JPH3: variants seen among roughly 807,000 people sequenced by gnomAD.
JPH3 encodes junctophilin-3.
JPH3 carries 11 observed loss-of-function variants against 59.6 expected under a neutral mutation model. The observed-to-expected ratio is 0.18, with a 90% CI of 0.12 to 0.31. The LOEUF is 0.31. Among genes scored for constraint, JPH3 ranks in the 10% least tolerant of loss-of-function variants. The pLI is 1.00. For missense variants in JPH3, 1,202 were observed against 1,105.7 expected, an observed-to-expected ratio of 1.09 and a Z score of -1.24; for synonymous variants, 673 against 483.6, an observed-to-expected ratio of 1.39 and a Z score of -5.14.
chr16:87,604,352 A>G lies in JPH3; in HGVS notation c.382+824A>G, dbSNP rs115916470. The G allele has an allele frequency of 1.9e-3, 2,731 of 1,444,402 alleles. 60 individuals are homozygous for G. In the African/African-American group the frequency reaches 0.035, roughly 19 times the overall value. 89.5% of individuals were successfully genotyped at this position (1,444,402 alleles called of 1,614,324 possible). On this transcript the variant is annotated intron_variant, in intron 1 of 4. Transcript: ENST00000284262. ...CTGTAAGATGGTTTCTGTGCAGGGA[A>G]CCTTGGCCGGCTCTGCAGCTGCCCG...
At position 87,644,918 on chromosome 16, in the gene JPH3, G is replaced by A. The variant is rs372821727; in HGVS notation, c.1043G>A (p.Arg348His). 390 of 1,612,772 alleles carry A rather than the reference G, an allele frequency of 2.4e-4. No individual in the cohort carries two copies. The highest frequency in any genetic ancestry group is 3.1e-4 in the Non-Finnish European group (364 of 1,179,924). The change falls in exon 2 of 5, where the codon CGC becomes CAC. Residue 348 changes from arginine to histidine, a missense_variant. Coordinates refer to ENST00000284262, the MANE Select transcript of JPH3 (RefSeq NM_020655.4). Reference sequence around the variant, plus strand: ...CAGAACATCCTCGTCGGCGGCAAGCGCAAGAACCTCATCCCCCTGCGGGCC... The same window carrying A: ...CAGAACATCCTCGTCGGCGGCAAGCACAAGAACCTCATCCCCCTGCGGGCC... ...YKQNILVGGKRKNLIPLRASK... is the reference protein window; with the variant it reads ...YKQNILVGGKHKNLIPLRASK...
At position 87,647,584 on chromosome 16, in the gene JPH3, C is replaced by T. The variant is rs374590865; in HGVS notation, c.1160+2549C>T. On this transcript the variant is annotated intron_variant, in intron 2 of 4. Coordinates refer to ENST00000284262, the MANE Select transcript of JPH3 (RefSeq NM_020655.4). ...CGTCCCTTCGCCCGAGCGGGCGTCG[C>T]GGGGAGGGAGGTGGTTCCTGCTTCC... Among the ~76,000 whole-genome samples, 12 of 152,274 alleles carry T rather than the reference C, an allele frequency of 7.9e-5. No homozygotes were observed. In the South Asian group the frequency reaches 8.3e-4, roughly 11 times the overall value.
intron 1 of JPH3, among the ~76,000 whole-genome samples, chr16:87,633,511 T>A (rs1351853448): frequency 6.6e-6 from 1 of 151,488 alleles, no homozygotes; most frequent in Non-Finnish European, 1.5e-5. Context: ...ATATATATAT[T>A]AAATGATGGG....
At chr16:87,637,971 C>T (rs2031813230) in intron 1 of JPH3, among the ~76,000 whole-genome samples, 1 of 152,050 alleles carries the variant, frequency 6.6e-6, no homozygotes, top group South Asian at 2.1e-4. Flanking sequence ...GACTGGAGTG[C>T]AGTGGCACAA....
rs371938619 is a variant in JPH3 at position 87,687,836 on chromosome 16, G to A, written c.1286-1810G>A. 1.7e-3 allele frequency among the ~76,000 whole-genome samples: 265 copies of A among 152,296 alleles called. 1 individual carries two copies. The highest frequency in any genetic ancestry group is 6.6e-3 in the East Asian group (34 of 5,178). On this transcript the variant is annotated intron_variant, in intron 3 of 4. Transcript: ENST00000284262. ...GGTGGACGACCTGGTGGGAAAGGCC[G>A]GGGCGCCATCGGGGGATGGGGGGGG... is the stretch of plus-strand genomic sequence containing the variant.
At chr16:87,632,473 G>T (rs977926106) in intron 1 of JPH3, among the ~76,000 whole-genome samples, 11 of 152,216 alleles carry the variant, frequency 7.2e-5, no homozygotes, top group African/African-American at 2.7e-4. Flanking sequence ...AAGAGATGGA[G>T]TCTTGCTCTG....
In JPH3 at chr16:87,623,594, A is replaced by G. The variant is rs146019423; in HGVS notation, c.382+20066A>G. On this transcript the variant is annotated intron_variant, in intron 1 of 4. Coordinates refer to ENST00000284262, the MANE Select transcript of JPH3 (RefSeq NM_020655.4). ...TTCATTCCCCAACAAAACAACCTCT[A>G]TTTCCTTCTGTGAACCCCTTGGGAG... Among the ~76,000 whole-genome samples the G allele has an allele frequency of 2.8e-3, 426 of 152,192 alleles. 6 individuals are homozygous for G. The highest frequency in any genetic ancestry group is 9.2e-3 in the African/African-American group (383 of 41,528).
At chr16:87,692,220 TCTCCCTCC>T (rs1224637720) in intron 4 of JPH3, among the ~76,000 whole-genome samples, 2 of 146,240 alleles carry the variant, frequency 1.4e-5, no homozygotes, top group Non-Finnish European at 3.1e-5. Flanking sequence ...TCCCTCCCCG[TCTCCCTCC>T]CCACAGCTTT....
chr16:87,675,477 CTGTG>C (rs1052720545), intron 2 of JPH3, among the ~76,000 whole-genome samples: 3 of 152,184 alleles, frequency 2.0e-5, no homozygotes, highest in Admixed American at 2.0e-4. Context: ...TGTGCCCTGT[CTGTG>C]TGTACCAGGT....
chr16:87,689,634 G>A lies in JPH3; in HGVS notation c.1286-12G>A. The A allele has an allele frequency of 1.2e-6, 2 of 1,610,526 alleles. No individual in the cohort carries two copies. Among genetic ancestry groups the A allele is most frequent in the South Asian group, 1.1e-5 (1 of 90,606 alleles). On this transcript the variant is annotated splice_polypyrimidine_tract_variant and intron_variant, in intron 3 of 4. Transcript: ENST00000284262. ...GTAACGCCGTCTGGCGTCGTCTTGT[G>A]TCCCCATACAGGGCTGGAGTACCAG...
In JPH3 at chr16:87,609,144, G is replaced by C. The variant is rs139727642; in HGVS notation, c.382+5616G>C. Among the ~76,000 whole-genome samples the C allele has an allele frequency of 9.1e-4, 139 of 152,374 alleles. 1 individual carries two copies. The highest frequency in any genetic ancestry group is 6.8e-3 in the Middle Eastern group (2 of 294). On this transcript the variant is annotated intron_variant, in intron 1 of 4. Transcript: ENST00000284262. Reference sequence around the variant, plus strand: ...CTGCCTATGTTTTCACCCCTACCCTGTCAGTCCTTCCTGAAGAAGTGAGTG... The same window carrying C: ...CTGCCTATGTTTTCACCCCTACCCTCTCAGTCCTTCCTGAAGAAGTGAGTG...
chr16:87,639,332 C>G (rs892097217), intron 1 of JPH3, among the ~76,000 whole-genome samples: 5 of 152,240 alleles, frequency 3.3e-5, no homozygotes, highest in Admixed American at 3.3e-4. Context: ...GCCTCCTAGC[C>G]CCTTCCTGAC....
intron 4 of JPH3, among the ~76,000 whole-genome samples, chr16:87,692,576 G>T (rs1335271215): frequency 1.8e-5 from 2 of 113,076 alleles, no homozygotes; most frequent in Non-Finnish European, 3.7e-5. Flanking sequence ...GATGGGCCTG[G>T]GATTCTAGCC....
rs770562628 is a variant in JPH3 at position 87,690,360 on chromosome 16, C to A, written c.2000C>A (p.Pro667Gln). Residue 667 changes from proline (P) to glutamine (Q), a missense_variant, in exon 4 of 5, where the codon CCG becomes CAG. Transcript: ENST00000284262. ...GCCCAGAACAAGGAGAACTTCAGGC[C>A]GGCCTCCTCCGCGGAGCCCGCCGTG... is the stretch of plus-strand genomic sequence containing the variant. ...SKAQNKENFRPASSAEPAVQK... is the reference protein window; with the variant it reads ...SKAQNKENFRQASSAEPAVQK... 1 of 1,553,578 alleles carries A rather than the reference C, an allele frequency of 6.4e-7. No homozygotes were observed. The highest frequency in any genetic ancestry group is 2.0e-5 in the Admixed American group (1 of 50,292).
At chr16:87,669,254 G>A (rs1335264932) in intron 2 of JPH3, among the ~76,000 whole-genome samples, 1 of 152,186 alleles carries the variant, frequency 6.6e-6, no homozygotes, top group African/African-American at 2.4e-5. Flanking sequence ...TGGGATTTGG[G>A]GTTCAGGATG....
Position 87,684,186 on chromosome 16 carries a change from C to T in JPH3, c.1205C>T (p.Ala402Val). 1 of 1,613,946 alleles carries T rather than the reference C, an allele frequency of 6.2e-7. No individual in the cohort carries two copies. The highest frequency in any genetic ancestry group is 1.1e-5 in the South Asian group (1 of 91,082). ...AAGGCCGAGGCAGCCCTCACAGCAG[C>T]TCAGAAAGCCCAGGAGGAGGCGCGG... ...RAKAEAALTAAQKAQEEARIA... is the reference protein window; with the variant it reads ...RAKAEAALTAVQKAQEEARIA... Residue 402 changes from alanine (A) to valine (V), a missense_variant, in exon 3 of 5, where the codon GCT becomes GTT. Physicochemically the swap from Ala to Val is moderately conservative, Grantham distance 64. Transcript: ENST00000284262.
At chr16:87,672,932 G>C (rs866399996) in intron 2 of JPH3, among the ~76,000 whole-genome samples, 1 of 152,180 alleles carries the variant, frequency 6.6e-6, no homozygotes, top group Admixed American at 6.5e-5. Flanking sequence ...ATCACCTAAG[G>C]TCAGGAGTTC....
chr16:87,679,707 C>A (rs2033237747), intron 2 of JPH3, among the ~76,000 whole-genome samples: 1 of 152,250 alleles, frequency 6.6e-6, no homozygotes, highest in Admixed American at 6.5e-5. Context: ...TGTTGACCTG[C>A]TCCTGGGCCA....
chr16:87,690,579 G>C, intron 4 of JPH3, 53 bp downstream of exon 4: 1 of 1,421,336 alleles, frequency 7.0e-7, no homozygotes, highest in Non-Finnish European at 9.2e-7. Flanking sequence ...CCACCTCTCT[G>C]CTGACCTGGT....
Sources: gnomAD v4.1 joint callset for allele counts (sites outside exome capture counted in the v4.1 genomes callset) on GRCh38, gnomAD v4.1.1 for gene constraint, MANE v1.5 for transcripts, NCBI Gene and HGNC (gene_info 2026-07-23, HGNC 2026-07-21) for gene names.